The following EVC variants were observed in gnomAD, a reference collection of about 807,000 sequenced individuals.
EVC encodes evC complex member EVC.
Under a neutral mutation model 118.9 loss-of-function variants are expected in EVC, and 116 were observed. The observed-to-expected ratio is 0.98, with a 90% CI of 0.84 to 1.14. The LOEUF (loss-of-function observed/expected upper bound fraction) is 1.14, where lower values mean the gene tolerates loss of function less well. Among genes scored for constraint, EVC ranks in the 50% most tolerant of loss-of-function variants. EVC has a pLI of 0.00. For synonymous variants in EVC, 619 were observed against 534.7 expected (o/e 1.16, Z -2.18); for missense variants, 1,401 against 1,246.4 (o/e 1.12, Z -1.87).
At chr4:5,807,761 G>A (rs1577661130) in intron 17 of EVC, among the ~76,000 whole-genome samples, 1 of 152,214 alleles carries the variant, frequency 6.6e-6, no homozygotes, top group South Asian at 2.1e-4. Context: ...TCAGGGATGG[G>A]TAGCCGGTAG....
Position 5,810,533 on chromosome 4 carries a change from A to G in EVC, c.2894+83A>G, listed in dbSNP as rs1716739644. The G allele has an allele frequency of 3.0e-6, 3 of 1,009,296 alleles. No individual in the cohort carries two copies. In the East Asian group the frequency reaches 7.7e-5, roughly 26 times the overall value. 62.5% of individuals were successfully genotyped at this position (1,009,296 alleles called of 1,614,324 possible). ...GCTGTGTGCCAAAAGTCAGGGCAGGAAAATCATCAGTCCCCTCAGAGGCAT... is the reference window on the plus strand; with the variant it reads ...GCTGTGTGCCAAAAGTCAGGGCAGGGAAATCATCAGTCCCCTCAGAGGCAT... On this transcript the variant is annotated intron_variant, in intron 20 of 20. Transcript: ENST00000264956.
chr4:5,761,258 G>C (rs1486592469), intron 11 of EVC, among the ~76,000 whole-genome samples: 9 of 152,068 alleles, frequency 5.9e-5, no homozygotes, highest in Non-Finnish European at 1.2e-4. Flanking sequence ...CTGCTCCACA[G>C]GGAGCATGAT....
chr4:5,788,733 A>T (rs1264134594), intron 12 of EVC, among the ~76,000 whole-genome samples: 3 of 151,816 alleles, frequency 2.0e-5, no homozygotes, highest in Non-Finnish European at 4.4e-5. Flanking sequence ...GGTCAAAACC[A>T]CTCTTGTCTG....
the EVC span, chr4:5,825,838 GGCATTCATACACACAA>G: frequency 8.4e-3 from 5,268 of 625,068 alleles, 203 homozygotes; most frequent in African/African-American, 0.088. The surrounding 1 kb of genome is among the most constrained non-coding windows in gnomAD (Gnocchi z 4.4). Flanking sequence ...GCCGCACACA[GGCATTCATACACACAA>G]GCATGCATAC....
chr4:5,797,271 CGGT>C (rs758712239), intron 14 of EVC, 39 bp downstream of exon 14: 1 of 1,513,006 alleles, frequency 6.6e-7, no homozygotes, highest in East Asian at 2.4e-5. Context: ...TCCAGACAGG[CGGT>C]GCCCCTGCAG....
At chr4:5,806,249 T>G (rs1715890089) in intron 17 of EVC, among the ~76,000 whole-genome samples, 1 of 151,786 alleles carries the variant, frequency 6.6e-6, no homozygotes, top group South Asian at 2.1e-4. Flanking sequence ...CCAGCTAATT[T>G]TTTTGTATTT....
chr4:5,821,812 T>G, the EVC span: 1 of 1,611,334 alleles, frequency 6.2e-7, no homozygotes, highest in South Asian at 1.1e-5. The surrounding 1 kb of genome is among the most constrained non-coding windows in gnomAD (Gnocchi z 4.4). Flanking sequence ...CACGATGCGG[T>G]GGCCGGTGCG....
intron 5 of EVC, among the ~76,000 whole-genome samples, chr4:5,736,781 A>C (rs1727761788): frequency 6.6e-6 from 1 of 152,162 alleles, no homozygotes; most frequent in South Asian, 2.1e-4. Flanking sequence ...GTGTGTTCTG[A>C]CTGCTCCACC....
chr4:5,757,481 G>C (rs1298097205), intron 11 of EVC, among the ~76,000 whole-genome samples: 2 of 152,246 alleles, frequency 1.3e-5, no homozygotes, highest in African/African-American at 4.8e-5. Context: ...ACCACTGACT[G>C]GTGGGTTAAA....
intron 11 of EVC, among the ~76,000 whole-genome samples, chr4:5,776,286 G>A (rs1433954154): frequency 6.6e-6 from 1 of 152,054 alleles, no homozygotes; most frequent in Non-Finnish European, 1.5e-5. Context: ...TTTGTGTCTA[G>A]TCATGTTTTG....
intron 11 of EVC, among the ~76,000 whole-genome samples, chr4:5,782,769 C>A (rs1735815243): frequency 6.6e-6 from 1 of 151,988 alleles, no homozygotes; most frequent in Non-Finnish European, 1.5e-5. Flanking sequence ...GAACAGAGGT[C>A]TTCCACGTTA....
the EVC span, chr4:5,825,900 G>GACGCACACACC: frequency 1.9e-6 from 1 of 531,664 alleles, no homozygotes; most frequent in Non-Finnish European, 3.3e-6. The surrounding 1 kb of genome is among the most constrained non-coding windows in gnomAD (Gnocchi z 4.4). Flanking sequence ...TACACATACA[G>GACGCACACACC]ACGCACACAC....
chr4:5,828,421 C>A, the EVC span: 1 of 1,564,170 alleles, frequency 6.4e-7, no homozygotes, highest in South Asian at 1.2e-5. Context: ...CGTCAGATCT[C>A]GATTCCCCAA....
At chr4:5,799,960 G>A (rs1714676398) in intron 15 of EVC, among the ~76,000 whole-genome samples, 1 of 152,166 alleles carries the variant, frequency 6.6e-6, no homozygotes, top group African/African-American at 2.4e-5. Flanking sequence ...AAGATAGAAG[G>A]GTGTCGTATT....
chr4:5,801,909 G>A (rs1228696066), intron 15 of EVC, 41 bp from the exon 16 acceptor site: 5 of 1,607,756 alleles, frequency 3.1e-6, no homozygotes, highest in Non-Finnish European at 4.2e-6. Flanking sequence ...GCTCCCACGT[G>A]TGACTTCTCT....
At chr4:5,748,790 ATCCATCCATCCATCCG>A (rs1211899412) in intron 8 of EVC, among the ~76,000 whole-genome samples, 20,246 of 116,180 alleles carry the variant, frequency 0.17, 2,272 homozygotes, top group East Asian at 0.23. Flanking sequence ...CCATCCATCC[ATCCATCCATCCATCCG>A]TCTATCCAAT....
At chr4:5,765,770 A>T (rs1732772381) in intron 11 of EVC, among the ~76,000 whole-genome samples, 1 of 149,210 alleles carries the variant, frequency 6.7e-6, no homozygotes, top group Non-Finnish European at 1.5e-5. Flanking sequence ...CTCTTCCTCC[A>T]TCCTTTTATT....
At chr4:5,825,030 T>C in the EVC span, 1 of 985,378 alleles carries the variant, frequency 1.0e-6, no homozygotes, top group Non-Finnish European at 1.2e-6. This position sits in a 1 kb window ranked among gnomAD's most constrained non-coding sequence, Gnocchi z 4.4. Context: ...AATGTTACTT[T>C]ATGGAGTAGT....
intron 2 of EVC, among the ~76,000 whole-genome samples, chr4:5,720,085 A>G (rs1724689695): frequency 1.3e-5 from 2 of 152,192 alleles, no homozygotes; most frequent in African/African-American, 4.8e-5. Context: ...CTCTATCCAC[A>G]GAACATCGCT....
Sources: gnomAD v4.1 joint callset for allele counts (sites outside exome capture counted in the v4.1 genomes callset) on GRCh38, gnomAD v4.1.1 for gene constraint, Gnocchi (gnomAD v3.1) non-coding constraint, MANE v1.5 for transcripts, NCBI Gene and HGNC (gene_info 2026-07-23, HGNC 2026-07-21) for gene names.